The following LIFR variants were observed in gnomAD, a reference collection of about 807,000 sequenced individuals.
LIFR encodes the protein LIF receptor subunit alpha.
In LIFR, 84 loss-of-function variants were observed where a neutral mutation model predicts 122.2. The ratio of observed to expected loss-of-function variants is 0.69; its 90% CI spans 0.58 to 0.82. LIFR has a LOEUF of 0.82. Among genes scored for constraint, LIFR ranks in the 40% least tolerant of loss-of-function variants. LIFR has a pLI of 0.00. For missense variants in LIFR, 1,294 were observed against 1,311.6 expected (o/e 0.99, Z 0.21); for synonymous variants, 422 against 434.7 (o/e 0.97, Z 0.36).
intron 16 of LIFR, among the ~76,000 whole-genome samples, chr5:38,487,663 T>C (rs1744359947): frequency 6.6e-6 from 1 of 152,204 alleles, no homozygotes; most frequent in East Asian, 1.9e-4. Context: ...TAAAGTATCT[T>C]ATTGTACTGA....
rs745517986 is a variant in LIFR, at chr5:38,505,960, A to C, written c.1236T>G (p.Ala412=). ...ATTGTGATCGACCCAGCGGATTGTG[A>C]GCATTCAAAGTAAAATTATATATTT... ...NQEIYNFTLN[A]HNPLGRSQST... is the part of the protein sequence containing the mutation. Residue 412 remains alanine (A), a synonymous_variant, in exon 9 of 20, where the codon GCT becomes GCG. Coordinates refer to ENST00000453190, the MANE Select transcript of LIFR (RefSeq NM_001127671.2). 8 of 1,610,926 alleles carry C rather than the reference A, an allele frequency of 5.0e-6. No individual in the cohort carries two copies. Among genetic ancestry groups the C allele is most frequent in the Non-Finnish European group, 6.8e-6 (8 of 1,178,108 alleles).
intron 1 of LIFR, among the ~76,000 whole-genome samples, chr5:38,565,198 A>C (rs1016438839): frequency 2.0e-5 from 3 of 152,252 alleles, no homozygotes; most frequent in Non-Finnish European, 4.4e-5. Context: ...AAAGCATATC[A>C]GTATTCCATT....
intron 16 of LIFR, among the ~76,000 whole-genome samples, chr5:38,487,309 C>T (rs201345169): frequency 5.3e-5 from 8 of 152,210 alleles, no homozygotes; most frequent in Non-Finnish European, 1.2e-4. Context: ...TTCTCTCTCA[C>T]GTTGGTTGAC....
chr5:38,565,834 T>G (rs1749005578), intron 1 of LIFR, among the ~76,000 whole-genome samples: 1 of 152,152 alleles, frequency 6.6e-6, no homozygotes, highest in Admixed American at 6.5e-5. Flanking sequence ...CCCCCACACC[T>G]CGGCATCCCA....
intron 4 of LIFR, 132 bp downstream of exon 4, chr5:38,527,023 T>C: frequency 1.3e-6 from 1 of 794,756 alleles, no homozygotes. Flanking sequence ...CCATCTACAA[T>C]TCATAGGGAG....
intron 1 of LIFR, among the ~76,000 whole-genome samples, chr5:38,548,968 G>A (rs186003154): frequency 6.6e-6 from 1 of 152,118 alleles, no homozygotes; most frequent in Admixed American, 6.5e-5. Context: ...TCAAGGTAAC[G>A]TTTATTAAAT....
At chr5:38,568,465 G>A (rs1749100909) in intron 1 of LIFR, among the ~76,000 whole-genome samples, 1 of 152,066 alleles carries the variant, frequency 6.6e-6, no homozygotes, top group East Asian at 1.9e-4. Flanking sequence ...GTATCTGGGG[G>A]GCCAATTAGG....
intron 2 of LIFR, among the ~76,000 whole-genome samples, chr5:38,530,001 TAAAC>T (rs970066690): frequency 4.6e-5 from 7 of 152,308 alleles, no homozygotes; most frequent in African/African-American, 1.7e-4. Flanking sequence ...AATATCTACA[TAAAC>T]ATTCTTAATA....
At chr5:38,607,122 T>G (rs1371536034) in intron 1 of LIFR, among the ~76,000 whole-genome samples, 1 of 152,230 alleles carries the variant, frequency 6.6e-6, no homozygotes, top group Admixed American at 6.5e-5. Flanking sequence ...GATTATACAC[T>G]GTTTGGTATC....
chr5:38,578,584 G>A (rs909201362), intron 1 of LIFR, among the ~76,000 whole-genome samples: 4 of 150,730 alleles, frequency 2.7e-5, no homozygotes, highest in South Asian at 2.1e-4. Context: ...TCACTCTGTC[G>A]CCCAGGCTGT....
chr5:38,549,632 A>C (rs1034119541), intron 1 of LIFR, among the ~76,000 whole-genome samples: 1 of 152,314 alleles, frequency 6.6e-6, no homozygotes, highest in East Asian at 1.9e-4. Context: ...TCTACTAAAA[A>C]TACAAAAAAT....
Position 38,482,653 on chromosome 5 carries a change from A to G in LIFR, c.2606T>C (p.Phe869Ser). Residue 869 changes from phenylalanine (F) to serine (S), a missense_variant, in exon 19 of 20, where the codon TTC becomes TCC. Transcript: ENST00000453190. ...TTCTGGATTTGGAATATCAGGGTAG[A>G]AGGTTTCTTTAATCCTTTAAATAAA... is the stretch of plus-strand genomic sequence containing the variant. ...YRKREWIKET[F>S]YPDIPNPENC... The G allele has an allele frequency of 6.9e-7, 1 of 1,450,776 alleles. No individual in the cohort carries two copies. The highest frequency in any genetic ancestry group is 9.4e-7 in the Non-Finnish European group (1 of 1,061,080). 89.9% of individuals were successfully genotyped at this position (1,450,776 alleles called of 1,614,324 possible).
intron 12 of LIFR, among the ~76,000 whole-genome samples, chr5:38,498,736 A>G (rs182589768): frequency 9.8e-5 from 15 of 152,310 alleles, no homozygotes; most frequent in Admixed American, 9.2e-4. Context: ...ATGAAATCTG[A>G]CAGGCAACTG....
rs886060629 is a variant in LIFR at position 38,482,161 on chromosome 5, C to A, written c.2728G>T (p.Val910Phe). The change falls in exon 20 of 20, where the codon GTT becomes TTT. Residue 910 changes from valine (V) to phenylalanine (F), a missense_variant. By Grantham distance (50) the Val-to-Phe change is conservative. Coordinates refer to ENST00000453190, the MANE Select transcript of LIFR (RefSeq NM_001127671.2). ...GGAAATGCTGATCGAGTTTCCAGAA[C>A]CTCAACATTATTTGGGGTACAAGGA... Reference protein sequence around the residue: ...MNPCTPNNVEVLETRSAFPKI... With the variant: ...MNPCTPNNVEFLETRSAFPKI... The A allele has an allele frequency of 4.4e-6, 7 of 1,587,306 alleles. No individual in the cohort carries two copies. Among genetic ancestry groups the A allele is most frequent in the Non-Finnish European group, 5.1e-6 (6 of 1,172,422 alleles).
At chr5:38,549,575 G>A (rs1748088245) in intron 1 of LIFR, among the ~76,000 whole-genome samples, 1 of 152,136 alleles carries the variant, frequency 6.6e-6, no homozygotes, top group Non-Finnish European at 1.5e-5. Flanking sequence ...GGCGGATCAC[G>A]AGGTCAGGAG....
intron 1 of LIFR, among the ~76,000 whole-genome samples, chr5:38,564,434 C>G (rs1748939101): frequency 6.6e-6 from 1 of 151,472 alleles, no homozygotes; most frequent in Non-Finnish European, 1.5e-5. Flanking sequence ...CCAGGCTTGT[C>G]TCAAACTCCT....
In LIFR at chr5:38,478,260, TGA is replaced by T. The variant is rs1224867232; in HGVS notation, c.*3333_*3334del. The T allele has an allele frequency of 9.7e-6, 2 of 207,148 alleles. No homozygotes were observed. Among genetic ancestry groups the T allele is most frequent in the African/African-American group, 4.6e-5 (2 of 43,896 alleles). The allele number at this position is 207,148 out of a possible 1,614,324, so 12.8% of individuals were successfully genotyped here. On this transcript the variant is annotated 3_prime_UTR_variant, in exon 20 of 20. Transcript: ENST00000453190. ...AAATGTGACTTTTTACCACAGTTTC[TGA>T]GAGTGTAATAGTACTAAATGTTCTA...
chr5:38,545,027 T>C (rs903023492), intron 1 of LIFR, among the ~76,000 whole-genome samples: 1 of 152,206 alleles, frequency 6.6e-6, no homozygotes, highest in Non-Finnish European at 1.5e-5. Context: ...CCCAGCACTT[T>C]GGGAGGCTGA....
At position 38,523,427 on chromosome 5, in the gene LIFR, C is replaced by T. The variant is rs140538535; in HGVS notation, c.553G>A (p.Val185Ile). Residue 185 changes from valine (V) to isoleucine (I), a missense_variant, in exon 5 of 20, where the codon GTA becomes ATA. By Grantham distance (29) the Val-to-Ile change is conservative. Transcript: ENST00000453190. ...KVLRKESMEL[V>I]KLVTHNTTLN... The stretch of plus-strand genomic sequence containing the variant: ...TCTATGTTCAAACTTACTAATTTTA[C>T]GAGCTCCATACTCTCTTTACGTAGA... 294 of 1,607,850 alleles carry T rather than the reference C, an allele frequency of 1.8e-4. 1 individual carries two copies. In the African/African-American group the frequency reaches 2.6e-3, roughly 14 times the overall value.
Sources: allele counts gnomAD v4.1 joint callset (sites outside exome capture counted in the v4.1 genomes callset), GRCh38; gene constraint gnomAD v4.1.1; transcripts MANE v1.5; gene names NCBI Gene and HGNC (gene_info 2026-07-23, HGNC 2026-07-21).